The following AMMECR1 variants were observed in gnomAD, a reference collection of about 807,000 sequenced individuals.
The protein encoded by AMMECR1 is nuclear protein AMMECR1.
AMMECR1 carries 3 observed loss-of-function variants against 22.5 expected under a neutral mutation model. The ratio of observed to expected loss-of-function variants is 0.13; its 90% CI spans 0.06 to 0.35. The LOEUF is 0.35. Among genes scored for constraint, AMMECR1 ranks in the 10% least tolerant of loss-of-function variants. The pLI is 1.00. For missense variants in AMMECR1, 235 were observed against 278.7 expected (o/e 0.84, Z 1.12); for synonymous variants, 130 against 116.7 (o/e 1.11, Z -0.74).
intron 3 of AMMECR1, 82 bp from the exon 4 acceptor site, chrX:110,202,618 A>G: frequency 1.6e-6 from 1 of 615,731 alleles, no homozygotes; most frequent in Non-Finnish European, 2.6e-6. Context: ...TTTCAAGAGA[A>G]TGCAGTTCTT....
intron 2 of AMMECR1, among the ~76,000 whole-genome samples, 168 bp downstream of exon 2, chrX:110,264,321 T>C (rs1464782313): frequency 2.7e-5 from 3 of 111,355 alleles, no homozygotes; most frequent in Non-Finnish European, 5.7e-5. Context: ...TATATATCAA[T>C]AACATTTTAC....
chrX:110,433,607 CCAAACACATACA>C (rs1464357693), intron 1 of AMMECR1, among the ~76,000 whole-genome samples: 2 of 111,376 alleles, frequency 1.8e-5, no homozygotes, highest in African/African-American at 6.6e-5. Flanking sequence ...ATATATACAC[CCAAACACATACA>C]CAAACACATA....
At chrX:110,220,771 C>T (rs145342306) in intron 2 of AMMECR1, among the ~76,000 whole-genome samples, 2 of 111,400 alleles carry the variant, frequency 1.8e-5, no homozygotes, top group Non-Finnish European at 3.8e-5. Context: ...GGAACGTTAA[C>T]ATTTGTCAAA....
chrX:110,200,927 C>G, intron 5 of AMMECR1, 27 bp downstream of exon 5: 1 of 1,098,237 alleles, frequency 9.1e-7, no homozygotes, highest in Non-Finnish European at 1.3e-6. Flanking sequence ...TACAGGTTAG[C>G]CTTGTGCTAG....
chrX:110,213,956 T>C (rs1365060191), intron 3 of AMMECR1, among the ~76,000 whole-genome samples: 1 of 109,917 alleles, frequency 9.1e-6, no homozygotes, highest in East Asian at 2.8e-4. Flanking sequence ...AATACTTGTA[T>C]ATTAAAAGTA....
At chrX:110,235,613 C>G (rs1363420437) in intron 2 of AMMECR1, among the ~76,000 whole-genome samples, 1 of 112,329 alleles carries the variant, frequency 8.9e-6, no homozygotes, top group Non-Finnish European at 1.9e-5. Context: ...CACATATACA[C>G]CATGGAGTAC....
At chrX:110,434,337 C>T (rs2068820195) in intron 1 of AMMECR1, among the ~76,000 whole-genome samples, 1 of 111,349 alleles carries the variant, frequency 9.0e-6, no homozygotes, top group African/African-American at 3.3e-5. Flanking sequence ...TCGGGACAGA[C>T]TAGGAAGACA....
At chrX:110,372,553 T>G (rs1315489052) in intron 2 of AMMECR1, among the ~76,000 whole-genome samples, 2 of 111,912 alleles carry the variant, frequency 1.8e-5, no homozygotes, top group Non-Finnish European at 3.8e-5. Context: ...AATGTAAGTA[T>G]ACAGCCCTAC....
At chrX:110,419,802 C>T (rs961564418) in intron 2 of AMMECR1, among the ~76,000 whole-genome samples, 3 of 112,158 alleles carry the variant, frequency 2.7e-5, no homozygotes, top group East Asian at 2.8e-4. Flanking sequence ...GGAGTCTCAT[C>T]GCCAGACACA....
intron 2 of AMMECR1, chrX:110,358,771 G>C (rs1300524105): frequency 4.5e-5 from 5 of 111,602 alleles, no homozygotes; most frequent in African/African-American, 1.3e-4. Flanking sequence ...AGTGTCCTTT[G>C]AGCAGTGAGA....
At chrX:110,428,871 G>T (rs1242645195) in intron 1 of AMMECR1, among the ~76,000 whole-genome samples, 1 of 112,284 alleles carries the variant, frequency 8.9e-6, no homozygotes, top group Non-Finnish European at 1.9e-5. Flanking sequence ...AGCAGCAAAG[G>T]AGAGCATTAA....
At chrX:110,294,764 G>A (rs995389815) in intron 1 of AMMECR1, among the ~76,000 whole-genome samples, 8 of 110,913 alleles carry the variant, frequency 7.2e-5, no homozygotes, top group South Asian at 3.8e-4. Context: ...GGTGAGATAC[G>A]TTATACTTAA....
intron 1 of AMMECR1, among the ~76,000 whole-genome samples, chrX:110,301,745 G>T (rs1015576680): frequency 1.8e-5 from 2 of 111,540 alleles, no homozygotes; most frequent in African/African-American, 6.5e-5. Flanking sequence ...CCTGATGAAA[G>T]ATATGAAACT....
intron 3 of AMMECR1, among the ~76,000 whole-genome samples, chrX:110,205,591 C>G (rs935518899): frequency 1.8e-5 from 2 of 111,652 alleles, no homozygotes; most frequent in African/African-American, 6.5e-5. Flanking sequence ...TACTATGTCA[C>G]TAAACATACC....
chrX:110,318,119 G>C, upstream of AMMECR1: 2 of 1,063,315 alleles, frequency 1.9e-6, no homozygotes, highest in Non-Finnish European at 2.4e-6. Context: ...TAAGTGAGGC[G>C]AGCTGGCGGC....
In AMMECR1 at chrX:110,253,296, T is replaced by A. The variant is rs1366219853; in HGVS notation, c.584+11193A>T. On this transcript the variant is annotated intron_variant, in intron 2 of 5. Transcript: ENST00000262844. ...GGTAGACACAGGAAAGCTTCTTATC[T>A]CAGATATAAGGATTGACACCAACTA... Among the ~76,000 whole-genome samples, 6 of 112,930 alleles carry A rather than the reference T, an allele frequency of 5.3e-5. No homozygotes were observed. The East Asian group carries it at 1.4e-3, about 26-fold the overall frequency.
intron 1 of AMMECR1, among the ~76,000 whole-genome samples, chrX:110,272,503 T>C (rs1332285629): frequency 8.9e-6 from 1 of 111,826 alleles, no homozygotes; most frequent in Non-Finnish European, 1.9e-5. Context: ...CAGTTAAGCG[T>C]TTTTTATTTG....
At chrX:110,383,480 T>A (rs921931055) in intron 2 of AMMECR1, among the ~76,000 whole-genome samples, 2 of 111,299 alleles carry the variant, frequency 1.8e-5, no homozygotes, top group South Asian at 7.6e-4. Flanking sequence ...AGGTCCTCAC[T>A]TTCTTATTAC....
intron 2 of AMMECR1, among the ~76,000 whole-genome samples, chrX:110,356,150 C>CTTTT (rs1288370078): frequency 1.1e-5 from 1 of 88,163 alleles, no homozygotes; most frequent in Non-Finnish European, 2.2e-5. Context: ...GAGGCATAAC[C>CTTTT]TTTTTTTTTT....
Sources: allele counts gnomAD v4.1 joint callset (sites outside exome capture counted in the v4.1 genomes callset), GRCh38; gene constraint gnomAD v4.1.1; transcripts MANE v1.5; gene names NCBI Gene and HGNC (gene_info 2026-07-23, HGNC 2026-07-21).